DENND4C: variants seen among roughly 807,000 people sequenced by gnomAD.
The protein encoded by DENND4C is DENN domain-containing protein 4C.
Under a neutral mutation model 203.0 loss-of-function variants are expected in DENND4C, and 108 were observed. The observed-to-expected ratio is 0.53, with a 90% confidence interval of 0.46 to 0.62. DENND4C has a LOEUF of 0.62. Ranked by LOEUF, DENND4C falls within the 20% of genes least tolerant of loss-of-function variation. The pLI is 0.00. For synonymous variants in DENND4C, 871 were observed against 792.4 expected, an observed-to-expected ratio of 1.10 and a Z score of -1.67; for missense variants, 2,481 against 2,301.2, an observed-to-expected ratio of 1.08 and a Z score of -1.60.
chr9:19,249,087 G>A (rs77409726), intron 1 of DENND4C, among the ~76,000 whole-genome samples: 9,618 of 151,976 alleles, frequency 0.063, 572 homozygotes, highest in African/African-American at 0.15. Flanking sequence ...CACCATGCCC[G>A]GCCACACAGC....
chr9:19,332,458 A>G (rs1819434323), intron 17 of DENND4C, among the ~76,000 whole-genome samples: 1 of 150,464 alleles, frequency 6.6e-6, no homozygotes, highest in African/African-American at 2.5e-5. Context: ...CCGGGTTCAG[A>G]CAGTTCTTGT....
chr9:19,359,105 C>T (rs1041231385), intron 28 of DENND4C, among the ~76,000 whole-genome samples: 1 of 151,740 alleles, frequency 6.6e-6, no homozygotes, highest in Non-Finnish European at 1.5e-5. Flanking sequence ...AGTGGAAAGG[C>T]AGGTTAAATG....
intron 1 of DENND4C, among the ~76,000 whole-genome samples, chr9:19,270,233 A>G (rs1258955623): frequency 6.6e-6 from 1 of 152,134 alleles, no homozygotes; most frequent in Non-Finnish European, 1.5e-5. Context: ...CACAGTACTG[A>G]GTCTCATCAG....
chr9:19,271,492 G>C (rs768950600), intron 1 of DENND4C, among the ~76,000 whole-genome samples: 3 of 152,058 alleles, frequency 2.0e-5, no homozygotes, highest in Non-Finnish European at 4.4e-5. Context: ...GTGAGCTACC[G>C]CCTCTGGCCA....
At chr9:19,331,780 T>G (rs1277458133) in intron 16 of DENND4C, among the ~76,000 whole-genome samples, 198 bp from the exon 17 acceptor site, 1 of 152,198 alleles carries the variant, frequency 6.6e-6, no homozygotes. Flanking sequence ...TGGTATAGTA[T>G]GAAGTATTAC....
rs1387506041 is a variant in DENND4C, at chr9:19,373,416, T to C, written c.*1243T>C. The C allele has an allele frequency of 3.9e-5, 6 of 152,668 alleles. No homozygotes were observed. Among genetic ancestry groups the C allele is most frequent in the Non-Finnish European group, 5.9e-5 (4 of 68,032 alleles). 9.5% of individuals were successfully genotyped at this position (152,668 alleles called of 1,614,324 possible). On this transcript the variant is annotated 3_prime_UTR_variant, in exon 33 of 33. Transcript: ENST00000434457. ...GTATGTCATTGAACATGAAATCTTT[T>C]TTCAGGCACATACATTGTTGGTATT...
chr9:19,276,911 TGTAAC>T (rs944295965), intron 2 of DENND4C, among the ~76,000 whole-genome samples: 1 of 152,048 alleles, frequency 6.6e-6, no homozygotes, highest in Non-Finnish European at 1.5e-5. Context: ...TAAATACAGT[TGTAAC>T]GTGTGGCTTT....
At chr9:19,246,855 C>T (rs1234106238) in intron 1 of DENND4C, among the ~76,000 whole-genome samples, 1 of 152,008 alleles carries the variant, frequency 6.6e-6, no homozygotes, top group Non-Finnish European at 1.5e-5. Context: ...ATAGGGATGG[C>T]AAAAGGAAAA....
At chr9:19,359,275 C>G (rs747725390) in intron 28 of DENND4C, among the ~76,000 whole-genome samples, 1 of 151,728 alleles carries the variant, frequency 6.6e-6, no homozygotes, top group African/African-American at 2.4e-5. Flanking sequence ...AGATGGGGAT[C>G]TTGCTTTGTT....
chr9:19,316,686 C>A lies in DENND4C; in HGVS notation c.1654C>A (p.Gln552Lys). The A allele has an allele frequency of 6.2e-7, 1 of 1,614,030 alleles. No homozygotes were observed. The highest frequency in any genetic ancestry group is 1.1e-5 in the South Asian group (1 of 91,074). Residue 552 changes from glutamine (Q) to lysine (K), a missense_variant, in exon 12 of 33, where the codon CAA becomes AAA. Gln to Lys is a moderately conservative substitution (Grantham distance 53). Transcript: ENST00000434457. The part of the protein sequence containing the change: ...MTPIEADFSW[Q>K]KKMTQLEMEI... ...TCCAATTGAAGCAGATTTCTCCTGG[C>A]AAAAGAAGATGACACAGCTTGAGAT...
rs1588963952 is a variant in DENND4C at position 19,346,865 on chromosome 9, C to G, written c.4096C>G (p.Arg1366Gly). 1.2e-6 allele frequency: 2 copies of G among 1,614,192 alleles called. No homozygotes were observed. Among genetic ancestry groups the G allele is most frequent in the Non-Finnish European group, 1.7e-6 (2 of 1,180,036 alleles). Residue 1366 changes from arginine (R) to glycine (G), a missense_variant, in exon 23 of 33, where the codon CGA becomes GGA. Arg to Gly is a moderately radical substitution (Grantham distance 125, BLOSUM62 -2). Transcript: ENST00000434457. ...TGRFKQQTPS[R>G]THKERSTSLS... Reference sequence around the variant, plus strand: ...GCGTTTCAAGCAGCAAACCCCCTCTCGAACTCATAAAGAACGTTCAACTTC... The same window carrying G: ...GCGTTTCAAGCAGCAAACCCCCTCTGGAACTCATAAAGAACGTTCAACTTC...
chr9:19,352,276 A>T, intron 25 of DENND4C, 94 bp downstream of exon 25: 1 of 1,216,998 alleles, frequency 8.2e-7, no homozygotes, highest in Non-Finnish European at 1.2e-6. Flanking sequence ...ACCCTTGTGG[A>T]CAGTATAATA....
rs944159536 is a variant in DENND4C, at chr9:19,374,003, TGA to T, written c.*1834_*1835del. Among the ~76,000 whole-genome samples, 7 of 152,178 alleles carry T rather than the reference TGA, an allele frequency of 4.6e-5. No homozygotes were observed. The highest frequency in any genetic ancestry group is 2.1e-4 in the South Asian group (1 of 4,830). ...TTCAAAATGGATCTTTTGCACTGTC[TGA>T]GAGTATATATTTTTGCAACTCAAGA... is the stretch of plus-strand genomic sequence containing the variant. On this transcript the variant is annotated 3_prime_UTR_variant, in exon 33 of 33. Coordinates refer to ENST00000434457, the MANE Select transcript of DENND4C (RefSeq NM_001330640.2).
intron 1 of DENND4C, among the ~76,000 whole-genome samples, chr9:19,242,058 A>G (rs1398345640): frequency 6.6e-6 from 1 of 152,130 alleles, no homozygotes; most frequent in Non-Finnish European, 1.5e-5. Flanking sequence ...CCATGAGATT[A>G]TTCTATTTCA....
In DENND4C at chr9:19,299,482, T is replaced by TG. The variant is rs562522540; in HGVS notation, c.1166+198dup. On this transcript the variant is annotated intron_variant, in intron 8 of 32. Transcript: ENST00000434457. ...GTGGATGGTGGGGCTATTTTATAAA[T>TG]GGGAACAATTAAGAGAGTTGCAAGA... is the stretch of plus-strand genomic sequence containing the variant. Among the ~76,000 whole-genome samples, 61 of 152,286 alleles carry TG rather than the reference T, an allele frequency of 4.0e-4. 1 individual carries two copies. In the South Asian group the frequency reaches 0.011, roughly 28 times the overall value.
intron 2 of DENND4C, among the ~76,000 whole-genome samples, chr9:19,281,072 C>T (rs915077035): frequency 6.6e-6 from 1 of 152,108 alleles, no homozygotes; most frequent in African/African-American, 2.4e-5. Context: ...TTTTGACAAG[C>T]CCACCTGCCA....
intron 18 of DENND4C, 99 bp from the exon 19 acceptor site, chr9:19,336,171 G>GTATATA (rs148975875): frequency 1.3e-3 from 1,143 of 911,932 alleles, no homozygotes; most frequent in Middle Eastern, 5.5e-3. Context: ...TTATATTTGT[G>GTATATA]TATATATATA....
At chr9:19,340,545 G>A (rs1260900696) in intron 20 of DENND4C, among the ~76,000 whole-genome samples, 2 of 152,008 alleles carry the variant, frequency 1.3e-5, no homozygotes, top group African/African-American at 4.8e-5. Flanking sequence ...ACATAGAGAA[G>A]TTTTCTCCCT....
chr9:19,241,454 T>A (rs1823697276), intron 1 of DENND4C, among the ~76,000 whole-genome samples: 2 of 152,056 alleles, frequency 1.3e-5, no homozygotes, highest in Admixed American at 1.3e-4. Flanking sequence ...CTCAAGTGAT[T>A]CTCTGGCCTC....
Sources: gnomAD v4.1 joint callset for allele counts (sites outside exome capture counted in the v4.1 genomes callset) on GRCh38, gnomAD v4.1.1 for gene constraint, MANE v1.5 for transcripts, NCBI Gene and HGNC (gene_info 2026-07-23, HGNC 2026-07-21) for gene names.